MCC: variants seen among roughly 807,000 people sequenced by gnomAD.
MCC encodes the protein MCC regulator of Wnt signaling pathway, also known as colorectal mutant cancer protein.
A neutral mutation model predicts 116.2 loss-of-function variants in MCC; 90 were observed. The observed-to-expected ratio is 0.77, with a 90% CI of 0.65 to 0.92. MCC has a LOEUF of 0.92. MCC is among the 40% of genes least tolerant of loss of function. MCC has a pLI of 0.00. For synonymous variants in MCC, 578 were observed against 510.5 expected (o/e 1.13, Z -1.78); for missense variants, 1,516 against 1,312.2 (o/e 1.16, Z -2.40).
At chr5:113,424,074 T>A (rs907629908) in intron 1 of MCC, among the ~76,000 whole-genome samples, 1 of 147,752 alleles carries the variant, frequency 6.8e-6, no homozygotes, top group Non-Finnish European at 1.5e-5. Context: ...AATCTCTCAG[T>A]GAAACAGCCC....
At chr5:113,257,113 G>A (rs1765037284) in intron 3 of MCC, among the ~76,000 whole-genome samples, 1 of 152,122 alleles carries the variant, frequency 6.6e-6, no homozygotes, top group South Asian at 2.1e-4. Flanking sequence ...ATTAGCAGAA[G>A]TTTGTGGTAT....
chr5:113,120,235 TTGGTATGAACTTAGCATGC>T (rs887282801), intron 6 of MCC, among the ~76,000 whole-genome samples: 3 of 152,158 alleles, frequency 2.0e-5, no homozygotes, highest in African/African-American at 7.2e-5. Context: ...ACTTAGCATG[TTGGTATGAACTTAGCATGC>T]TGGTATGAAC....
chr5:113,402,642 G>A (rs529117186), intron 1 of MCC, among the ~76,000 whole-genome samples: 1 of 152,222 alleles, frequency 6.6e-6, no homozygotes, highest in Non-Finnish European at 1.5e-5. Context: ...TTGTTTTCAT[G>A]TATAATATTC....
chr5:113,353,793 T>C (rs570128239), intron 2 of MCC, among the ~76,000 whole-genome samples: 1 of 152,340 alleles, frequency 6.6e-6, no homozygotes, highest in South Asian at 2.1e-4. Context: ...CGTATGAAGA[T>C]AGATACCTAT....
chr5:113,046,685 C>CAAAAAAAA lies in MCC; in HGVS notation c.2655+2400_2655+2407dup, dbSNP rs151183145. 5.1e-4 allele frequency among the ~76,000 whole-genome samples: 30 copies of CAAAAAAAA among 58,382 alleles called. 1 individual carries two copies. The highest frequency in any genetic ancestry group is 1.5e-3 in the African/African-American group (21 of 14,068). 38.3% of individuals were successfully genotyped at this position (58,382 alleles called of 152,430 possible). ...ACTGACTGCTAACAAACTCAAAAGG[C>CAAAAAAAA]AAAAAAAAAAAAAAAAAAAAAAAAA... is the stretch of plus-strand genomic sequence containing the variant. On this transcript the variant is annotated intron_variant, in intron 16 of 18. Transcript: ENST00000408903.
chr5:113,251,904 G>A (rs575985459), intron 3 of MCC, among the ~76,000 whole-genome samples: 1 of 152,262 alleles, frequency 6.6e-6, no homozygotes, highest in South Asian at 2.1e-4. Flanking sequence ...GAGGGGACAT[G>A]CAAAAAGAAG....
intron 11 of MCC, among the ~76,000 whole-genome samples, chr5:113,075,779 C>T (rs1195363674): frequency 6.6e-6 from 1 of 152,214 alleles, no homozygotes; most frequent in Non-Finnish European, 1.5e-5. Context: ...GCTTTGTTCT[C>T]TTGCTCTTCA....
intron 1 of MCC, among the ~76,000 whole-genome samples, chr5:113,416,474 G>A (rs1401134620): frequency 6.6e-6 from 1 of 152,040 alleles, no homozygotes; most frequent in African/African-American, 2.4e-5. Context: ...TAACATGGCA[G>A]CTATATATGT....
At chr5:113,133,372 G>A (rs573873190) in intron 5 of MCC, among the ~76,000 whole-genome samples, 8 of 152,128 alleles carry the variant, frequency 5.3e-5, no homozygotes, top group African/African-American at 1.9e-4. Context: ...TCCCACATGA[G>A]TAAGAACATG....
intron 3 of MCC, among the ~76,000 whole-genome samples, chr5:113,259,146 T>A (rs1247066262): frequency 6.6e-6 from 1 of 152,202 alleles, no homozygotes; most frequent in East Asian, 1.9e-4. Context: ...AAATACTCTC[T>A]CATAACTGAA....
intron 3 of MCC, among the ~76,000 whole-genome samples, chr5:113,241,778 G>T (rs1388785417): frequency 6.6e-6 from 1 of 152,152 alleles, no homozygotes; most frequent in African/African-American, 2.4e-5. Flanking sequence ...GTTTCATTCT[G>T]CCAAATGTTG....
Position 113,236,890 on chromosome 5 carries a change from T to C in MCC, c.628-85468A>G, listed in dbSNP as rs115956629. 3.2e-3 allele frequency among the ~76,000 whole-genome samples: 490 copies of C among 152,292 alleles called. 5 individuals are homozygous for C. The highest frequency in any genetic ancestry group is 0.011 in the African/African-American group (464 of 41,550). ...CTGGACCAGGAGAGCATTCCCACTC[T>C]TTTCTTCCTCGACTGAATTTATCAT... On this transcript the variant is annotated intron_variant, in intron 3 of 18. Coordinates refer to ENST00000408903, the MANE Select transcript of MCC (RefSeq NM_001085377.2).
chr5:113,460,745 T>C (rs1771721058), intron 1 of MCC, among the ~76,000 whole-genome samples: 1 of 152,234 alleles, frequency 6.6e-6, no homozygotes, highest in African/African-American at 2.4e-5. Context: ...AGTTGTAGCT[T>C]GTTGCCTTAT....
chr5:113,151,034 A>C lies in MCC; in HGVS notation c.741+275T>G, dbSNP rs1042207167. On this transcript the variant is annotated intron_variant, in intron 4 of 18. Coordinates refer to ENST00000408903, the MANE Select transcript of MCC (RefSeq NM_001085377.2). ...ACTCCAGCTTGGGTGACAGAGCAAGACTCTGCCTCAAGAAAAACAAAAAGG... is the reference window on the plus strand; with the variant it reads ...ACTCCAGCTTGGGTGACAGAGCAAGCCTCTGCCTCAAGAAAAACAAAAAGG... 3.3e-5 allele frequency among the ~76,000 whole-genome samples: 5 copies of C among 152,264 alleles called. No individual in the cohort carries two copies. The South Asian group carries it at 1.0e-3, about 32-fold the overall frequency.
intron 5 of MCC, among the ~76,000 whole-genome samples, chr5:113,141,515 T>G (rs1759180767): frequency 6.6e-6 from 1 of 152,252 alleles, no homozygotes; most frequent in Non-Finnish European, 1.5e-5. Flanking sequence ...CAAACCAATT[T>G]GCTGGAGTGC....
chr5:113,220,805 G>A (rs1322125914), intron 3 of MCC, among the ~76,000 whole-genome samples: 1 of 152,198 alleles, frequency 6.6e-6, no homozygotes, highest in Non-Finnish European at 1.5e-5. Context: ...AGATCTGGAA[G>A]CCTTTTATTG....
intron 3 of MCC, among the ~76,000 whole-genome samples, chr5:113,327,345 G>A (rs972969933): frequency 1.3e-5 from 2 of 151,576 alleles, no homozygotes; most frequent in African/African-American, 2.4e-5. Context: ...TCAGGAGTTC[G>A]AGAGCAGACT....
chr5:113,446,749 A>T (rs1167607994), intron 1 of MCC, among the ~76,000 whole-genome samples: 1 of 152,192 alleles, frequency 6.6e-6, no homozygotes, highest in African/African-American at 2.4e-5. Context: ...GGAGCTAAAC[A>T]TAGTGTACTC....
intron 1 of MCC, among the ~76,000 whole-genome samples, chr5:113,453,833 A>G (rs1771467639): frequency 1.3e-5 from 2 of 152,188 alleles, no homozygotes; most frequent in African/African-American, 4.8e-5. Flanking sequence ...AGTAATAGCC[A>G]GGTGTGGTGG....
Sources: gnomAD v4.1 joint callset for allele counts (sites outside exome capture counted in the v4.1 genomes callset) on GRCh38, gnomAD v4.1.1 for gene constraint, MANE v1.5 for transcripts, NCBI Gene and HGNC (gene_info 2026-07-23, HGNC 2026-07-21) for gene names.